Variants in AREL1 observed in about 807,000 individuals in gnomAD.
AREL1 encodes the protein apoptosis-resistant E3 ubiquitin protein ligase 1.
AREL1 carries 62 observed loss-of-function variants against 99.0 expected under a neutral mutation model. The observed-to-expected ratio is 0.63, with a 90% confidence interval of 0.51 to 0.77. AREL1 has a LOEUF of 0.77. Among genes scored for constraint, AREL1 ranks in the 30% least tolerant of loss-of-function variants. The pLI is 0.00. For synonymous variants in AREL1, 380 were observed against 376.5 expected, an observed-to-expected ratio of 1.01 and a Z score of -0.11; for missense variants, 879 against 1,027.6, an observed-to-expected ratio of 0.86 and a Z score of 1.98.
chr14:74,707,399 A>G (rs2090199918), intron 1 of AREL1, among the ~76,000 whole-genome samples: 1 of 151,654 alleles, frequency 6.6e-6, no homozygotes, highest in Admixed American at 6.6e-5. Flanking sequence ...ACAGTGGATC[A>G]CACCGGTAAT....
In AREL1 at chr14:74,663,534, G is replaced by T; in HGVS notation, c.*186C>A. The T allele has an allele frequency of 1.6e-6, 1 of 641,118 alleles. No individual in the cohort carries two copies. The highest frequency in any genetic ancestry group is 2.8e-5 in the East Asian group (1 of 35,834). The allele number at this position is 641,118 out of a possible 1,614,324, so 39.7% of individuals were successfully genotyped here. On this transcript the variant is annotated 3_prime_UTR_variant, in exon 20 of 20. Transcript: ENST00000356357. ...TACCATGCCAAAGTGGCCTGTGGTA[G>T]ATATGGGCAGGGAGCAGGTGAGGTA...
chr14:74,708,975 C>T (rs2090233282), intron 1 of AREL1, among the ~76,000 whole-genome samples: 1 of 152,126 alleles, frequency 6.6e-6, no homozygotes, highest in African/African-American at 2.4e-5. Context: ...TGTACACACA[C>T]ATACATACAC....
In AREL1 at chr14:74,661,807, A is replaced by T. The variant is rs2089085424; in HGVS notation, c.*1913T>A. The T allele has an allele frequency of 6.5e-6, 1 of 152,848 alleles. No individual in the cohort carries two copies. The highest frequency in any genetic ancestry group is 6.5e-5 in the Admixed American group (1 of 15,318). 9.5% of individuals were successfully genotyped at this position (152,848 alleles called of 1,614,324 possible). A position where few individuals can be genotyped will look rare whatever the true frequency, so the allele number is the denominator to read the frequency against. On this transcript the variant is annotated 3_prime_UTR_variant, in exon 20 of 20. Coordinates refer to ENST00000356357, the MANE Select transcript of AREL1 (RefSeq NM_001039479.2). ...TAAGATGCTCTGAAAAAGTGCTATG[A>T]CTAGAGCTTAAAATGACAGGTCTAG...
chr14:74,676,670 T>C lies in AREL1; in HGVS notation c.564A>G (p.Gln188=), dbSNP rs755270716. The C allele has an allele frequency of 6.2e-7, 1 of 1,614,078 alleles. No individual in the cohort carries two copies. The highest frequency in any genetic ancestry group is 1.1e-5 in the South Asian group (1 of 91,076). The change falls in exon 6 of 20, where the codon CAA becomes CAG. Residue 188 remains glutamine, a synonymous_variant. Transcript: ENST00000356357. ...TATCATACTCATCTCGGGGTACTAT[T>C]TGAAGGGTGTGCGGCTGCCCACAGG... ...VLTCGQPHTL[Q]IVPRDEYDNP...
At chr14:74,677,641 T>C (rs539255138) in intron 5 of AREL1, among the ~76,000 whole-genome samples, 1 of 146,748 alleles carries the variant, frequency 6.8e-6, no homozygotes, top group Non-Finnish European at 1.5e-5. Context: ...TAGCTGGGAC[T>C]ACAGGCACCC....
chr14:74,672,507 C>T (rs1438435897), intron 11 of AREL1, among the ~76,000 whole-genome samples: 3 of 152,052 alleles, frequency 2.0e-5, no homozygotes, highest in Admixed American at 6.6e-5. Context: ...GAGGCTGAGG[C>T]GGGTGTATCA....
rs969489526 is a variant in AREL1, at chr14:74,692,235, C to A, written c.-240G>T. On this transcript the variant is annotated 5_prime_UTR_variant, in exon 2 of 20. Transcript: ENST00000356357. ...GTGTTTCTGGGATGAACTGGATGAA[C>A]TCCAGGGTAGAGAAATACAGCCCAA... 1.3e-5 allele frequency: 6 copies of A among 456,514 alleles called. No homozygotes were observed. The highest frequency in any genetic ancestry group is 4.7e-5 in the Admixed American group (2 of 42,538). 28.3% of individuals were successfully genotyped at this position (456,514 alleles called of 1,614,324 possible). A position where few individuals can be genotyped will look rare whatever the true frequency, so the allele number is the denominator to read the frequency against.
At chr14:74,694,917 A>G (rs960630690) in intron 1 of AREL1, among the ~76,000 whole-genome samples, 1 of 138,930 alleles carries the variant, frequency 7.2e-6, no homozygotes, top group Non-Finnish European at 1.5e-5. Flanking sequence ...TGAACCCGGG[A>G]GGCGGAGTTT....
intron 12 of AREL1, 88 bp from the exon 13 acceptor site, chr14:74,670,959 C>T (rs2089323521): frequency 1.3e-5 from 14 of 1,040,756 alleles, no homozygotes; most frequent in Non-Finnish European, 2.0e-5. Context: ...ATACTCTCCA[C>T]ATTCCCTCTA....
chr14:74,669,716 T>G lies in AREL1; in HGVS notation c.1847A>C (p.Asn616Thr). 3.7e-6 allele frequency: 6 copies of G among 1,614,200 alleles called. No individual in the cohort carries two copies. The highest frequency in any genetic ancestry group is 5.1e-6 in the Non-Finnish European group (6 of 1,180,024). Reference protein sequence around the residue: ...YKSKVCFILNNDMSEMELVFA... With the variant: ...YKSKVCFILNTDMSEMELVFA... ...GACCAGCTCCATCTCACTCATGTCA[T>G]TGTTGAGGATAAAACAAACTTTAGA... Residue 616 changes from asparagine to threonine, a missense_variant, in exon 15 of 20, where the codon AAT becomes ACT. Transcript: ENST00000356357.
Position 74,664,908 on chromosome 14 carries a change from A to G in AREL1, c.2121T>C (p.Thr707=). 2 of 1,613,734 alleles carry G rather than the reference A, an allele frequency of 1.2e-6. No homozygotes were observed. Among genetic ancestry groups the G allele is most frequent in the East Asian group, 4.5e-5 (2 of 44,874 alleles). The change falls in exon 18 of 20, where the codon ACT becomes ACC. Residue 707 remains threonine (T), a synonymous_variant. Coordinates refer to ENST00000356357, the MANE Select transcript of AREL1 (RefSeq NM_001039479.2). ...ENELELLMCG[T]GDISVSDFKA... is the part of the protein sequence containing the mutation. ...TGAAGTCAGACACACTGATGTCTCC[A>G]GTCCCACACATCAGCAGCTGGAAAA...
intron 1 of AREL1, among the ~76,000 whole-genome samples, chr14:74,707,212 A>G (rs527339770): frequency 5.9e-5 from 9 of 151,976 alleles, no homozygotes; most frequent in Non-Finnish European, 1.0e-4. Context: ...TACTAAAAAT[A>G]CAAAAATTAG....
intron 13 of AREL1, 142 bp downstream of exon 13, chr14:74,670,620 G>C: frequency 1.5e-6 from 1 of 668,682 alleles, no homozygotes; most frequent in Non-Finnish European, 2.5e-6. Flanking sequence ...AAGACAATCT[G>C]ATTAGCTTAT....
chr14:74,670,151 C>T (rs1327488248), intron 13 of AREL1, 25 bp from the exon 14 acceptor site: 4 of 1,554,022 alleles, frequency 2.6e-6, no homozygotes, highest in Non-Finnish European at 3.5e-6. Flanking sequence ...GACTGAAAGG[C>T]CCTGGGCCAT....
At chr14:74,668,257 G>A (rs1195600927) in intron 15 of AREL1, among the ~76,000 whole-genome samples, 1 of 152,140 alleles carries the variant, frequency 6.6e-6, no homozygotes, top group Admixed American at 6.6e-5. Flanking sequence ...AACTCCTAAG[G>A]GAACTTTGAA....
At chr14:74,670,496 A>C (rs1325435742) in intron 13 of AREL1, 2 of 409,276 alleles carry the variant, frequency 4.9e-6, no homozygotes, top group South Asian at 9.3e-5. Context: ...AAAGAGGCTT[A>C]ATTATTATAA....
intron 2 of AREL1, among the ~76,000 whole-genome samples, chr14:74,688,700 C>T (rs551505254): frequency 2.8e-4 from 42 of 152,256 alleles, no homozygotes; most frequent in Non-Finnish European, 5.0e-4. Context: ...GCTCTCAAAC[C>T]ACTCCCCACC....
intron 1 of AREL1, among the ~76,000 whole-genome samples, chr14:74,712,620 T>C (rs1433568515): frequency 6.6e-6 from 1 of 152,122 alleles, no homozygotes; most frequent in Non-Finnish European, 1.5e-5. Context: ...TCTCTAGCGA[T>C]AGTCTAGGCC....
intron 18 of AREL1, 45 bp from the exon 19 acceptor site, chr14:74,664,119 C>G: frequency 6.3e-7 from 1 of 1,583,424 alleles, no homozygotes; most frequent in Non-Finnish European, 8.6e-7. Context: ...AGTAAACAAG[C>G]TAGGATTAGA....
Sources: allele counts gnomAD v4.1 joint callset (sites outside exome capture counted in the v4.1 genomes callset), GRCh38; gene constraint gnomAD v4.1.1; transcripts MANE v1.5; gene names NCBI Gene and HGNC (gene_info 2026-07-23, HGNC 2026-07-21).